SLC12A6: variants seen among roughly 807,000 people sequenced by gnomAD.
The protein encoded by SLC12A6 is solute carrier family 12 member 6.
Under a neutral mutation model 135.3 loss-of-function variants are expected in SLC12A6, and 66 were observed. That is an observed-to-expected ratio of 0.49 (90% CI 0.40 to 0.60). The LOEUF (loss-of-function observed/expected upper bound fraction) is 0.60, where lower values mean the gene tolerates loss of function less well. Among genes scored for constraint, SLC12A6 ranks in the 20% least tolerant of loss-of-function variants. SLC12A6 has a pLI of 0.00. For synonymous variants in SLC12A6, 513 were observed against 508.8 expected (o/e 1.01, Z -0.11); for missense variants, 1,058 against 1,452.3 (o/e 0.73, Z 4.41).
At chr15:34,248,530 A>ATATAC (rs755117190) in intron 13 of SLC12A6, among the ~76,000 whole-genome samples, 53 of 151,558 alleles carry the variant, frequency 3.5e-4, no homozygotes, top group Non-Finnish European at 6.0e-4. Flanking sequence ...TGGTATAGTA[A>ATATAC]TATACTATAC....
chr15:34,232,714 G>C lies in SLC12A6; in HGVS notation c.*1167C>G, dbSNP rs1891020936. On this transcript the variant is annotated 3_prime_UTR_variant, in exon 26 of 26. Transcript: ENST00000354181. The stretch of plus-strand genomic sequence containing the variant: ...TAGATGAGGCAAAAGATTTCTTAGT[G>C]GTAAAATTTCTTCAACAGGTCAATG... 1 of 152,572 alleles carries C rather than the reference G, an allele frequency of 6.6e-6. No individual in the cohort carries two copies. The highest frequency in any genetic ancestry group is 2.1e-4 in the South Asian group (1 of 4,828). 9.5% of individuals were successfully genotyped at this position (152,572 alleles called of 1,614,324 possible).
At chr15:34,298,120 G>A (rs1224821766) in intron 2 of SLC12A6, among the ~76,000 whole-genome samples, 1 of 151,988 alleles carries the variant, frequency 6.6e-6, no homozygotes, top group East Asian at 1.9e-4. Context: ...AGTTCAGAGG[G>A]GAAAAATACA....
intron 5 of SLC12A6, among the ~76,000 whole-genome samples, chr15:34,258,105 G>C (rs1242147941): frequency 1.3e-5 from 2 of 152,110 alleles, no homozygotes; most frequent in Non-Finnish European, 2.9e-5. Context: ...CAAAGCTGTT[G>C]GCTTTTTTCA....
intron 2 of SLC12A6, among the ~76,000 whole-genome samples, chr15:34,288,052 T>A (rs1195241950): frequency 6.6e-6 from 1 of 152,222 alleles, no homozygotes; most frequent in African/African-American, 2.4e-5. Flanking sequence ...AGTCTTTGCC[T>A]ATGCCTGTGT....
intron 2 of SLC12A6, among the ~76,000 whole-genome samples, chr15:34,295,075 T>C (rs967795316): frequency 2.0e-5 from 3 of 152,248 alleles, no homozygotes; most frequent in Non-Finnish European, 2.9e-5. Flanking sequence ...TATTAGGGTA[T>C]GTATGTGATA....
rs1455326861 is a variant in SLC12A6, at chr15:34,258,831, C to G, written c.525G>C (p.Gly175=). Reference sequence around the variant, plus strand: ...GCCTCACCTTGGTGGGCTTCTTTTTCCCTTCAGTGATGTTTTCTGCCTCTT... The same window carrying G: ...GCCTCACCTTGGTGGGCTTCTTTTTGCCTTCAGTGATGTTTTCTGCCTCTT... ...EHEEAENITE[G]KKKPTKTPQM... Residue 175 remains glycine, a synonymous_variant, in exon 5 of 26, where the codon GGG becomes GGC. Coordinates refer to ENST00000354181, the MANE Select transcript of SLC12A6 (RefSeq NM_001365088.1). 1 of 1,613,540 alleles carries G rather than the reference C, an allele frequency of 6.2e-7. No homozygotes were observed. Among genetic ancestry groups the G allele is most frequent in the Admixed American group, 1.7e-5 (1 of 60,012 alleles).
chr15:34,233,684 G>T lies in SLC12A6; in HGVS notation c.*197C>A. 1.7e-6 allele frequency: 1 copy of T among 589,586 alleles called. No individual in the cohort carries two copies. Among genetic ancestry groups the T allele is most frequent in the Admixed American group, 2.7e-5 (1 of 37,350 alleles). 36.5% of individuals were successfully genotyped at this position (589,586 alleles called of 1,614,324 possible). The stretch of plus-strand genomic sequence containing the variant: ...TTGTTCTGATGTTGAGGGAATATTT[G>T]CTTTTTCTGTAATGACTGCAGATCA... On this transcript the variant is annotated 3_prime_UTR_variant, in exon 26 of 26. Coordinates refer to ENST00000354181, the MANE Select transcript of SLC12A6 (RefSeq NM_001365088.1).
intron 2 of SLC12A6, among the ~76,000 whole-genome samples, chr15:34,313,089 G>A (rs1888374576): frequency 6.6e-6 from 1 of 152,074 alleles, no homozygotes; most frequent in Non-Finnish European, 1.5e-5. Flanking sequence ...ACCCACATTG[G>A]CCTCTAAGTT....
intron 2 of SLC12A6, among the ~76,000 whole-genome samples, chr15:34,276,716 C>T (rs945750101): frequency 2.0e-5 from 3 of 152,188 alleles, no homozygotes; most frequent in Non-Finnish European, 4.4e-5. Flanking sequence ...ATGATGTATG[C>T]AACAGATTAC....
At chr15:34,313,709 C>T (rs1411552213) in intron 2 of SLC12A6, among the ~76,000 whole-genome samples, 2 of 152,172 alleles carry the variant, frequency 1.3e-5, no homozygotes, top group East Asian at 3.8e-4. Flanking sequence ...CAATGCCTCG[C>T]TTCAAAGGAC....
intron 2 of SLC12A6, among the ~76,000 whole-genome samples, chr15:34,295,899 C>A (rs1459581181): frequency 1.3e-5 from 2 of 152,148 alleles, no homozygotes; most frequent in African/African-American, 4.8e-5. Flanking sequence ...ACTCGGGAGG[C>A]TGAGGCAGGA....
chr15:34,292,667 C>T lies in SLC12A6; in HGVS notation c.272-17278G>A, dbSNP rs568219902. ...CTCTGCCCAGTTCGCGGTTCCCTGC[C>T]ACTTTGTTTACTCCAAGTGAGCACA... On this transcript the variant is annotated intron_variant, in intron 2 of 25. Coordinates refer to ENST00000354181, the MANE Select transcript of SLC12A6 (RefSeq NM_001365088.1). Among the ~76,000 whole-genome samples the T allele has an allele frequency of 6.6e-5, 10 of 152,296 alleles. No homozygotes were observed. The South Asian group carries it at 1.0e-3, about 16-fold the overall frequency.
intron 2 of SLC12A6, among the ~76,000 whole-genome samples, chr15:34,280,913 G>A (rs1470207765): frequency 6.6e-6 from 1 of 152,136 alleles, no homozygotes; most frequent in African/African-American, 2.4e-5. Flanking sequence ...ATTATGTTAA[G>A]TGAAATAAGC....
chr15:34,305,489 A>G (rs1566856226), intron 2 of SLC12A6, among the ~76,000 whole-genome samples: 1 of 151,354 alleles, frequency 6.6e-6, no homozygotes, highest in Non-Finnish European at 1.5e-5. Flanking sequence ...CCTTTATTCA[A>G]TAATTATGTT....
intron 2 of SLC12A6, among the ~76,000 whole-genome samples, chr15:34,281,520 T>C (rs1894676221): frequency 6.6e-6 from 1 of 152,170 alleles, no homozygotes. Flanking sequence ...CCGGGTGCAG[T>C]GGCTCACGCC....
chr15:34,247,537 G>A (rs1313307509), intron 13 of SLC12A6, among the ~76,000 whole-genome samples: 1 of 151,712 alleles, frequency 6.6e-6, no homozygotes, highest in Non-Finnish European at 1.5e-5. Context: ...AAAAAGTAAT[G>A]TGCAAAAAAA....
chr15:34,321,965 A>G (rs1347202913), intron 2 of SLC12A6, among the ~76,000 whole-genome samples: 1 of 152,234 alleles, frequency 6.6e-6, no homozygotes, highest in Non-Finnish European at 1.5e-5. Context: ...GGAAGAATGG[A>G]AATACAGATT....
intron 22 of SLC12A6, chr15:34,237,109 C>T (rs1472444574): frequency 2.1e-6 from 1 of 469,360 alleles, no homozygotes; most frequent in East Asian, 4.2e-5. Context: ...TTTTAAAAGC[C>T]ATGTGTGATT....
In SLC12A6 at chr15:34,275,392, G is replaced by A. The variant is rs762336026; in HGVS notation, c.272-3C>T. ...TGTGATGGAGTTCTGACTCAGGTCTGAAAAACAAACAATTGAAAAGAAAAG... is the reference window on the plus strand; with the variant it reads ...TGTGATGGAGTTCTGACTCAGGTCTAAAAAACAAACAATTGAAAAGAAAAG... On this transcript the variant is annotated splice_polypyrimidine_tract_variant and splice_region_variant and intron_variant, in intron 2 of 25. Transcript: ENST00000354181. 1 of 1,490,786 alleles carries A rather than the reference G, an allele frequency of 6.7e-7. No individual in the cohort carries two copies. The highest frequency in any genetic ancestry group is 1.1e-5 in the South Asian group (1 of 88,166). 92.3% of individuals were successfully genotyped at this position (1,490,786 alleles called of 1,614,324 possible). A position where few individuals can be genotyped will look rare whatever the true frequency, so the allele number is the denominator to read the frequency against.
Sources: gnomAD v4.1 joint callset for allele counts (sites outside exome capture counted in the v4.1 genomes callset) on GRCh38, gnomAD v4.1.1 for gene constraint, MANE v1.5 for transcripts, NCBI Gene and HGNC (gene_info 2026-07-23, HGNC 2026-07-21) for gene names.